PIR: variants seen among roughly 807,000 people sequenced by gnomAD.
PIR encodes pirin, also known as pirin (iron-binding nuclear protein).
Under a neutral mutation model 24.2 loss-of-function variants are expected in PIR, and 22 were observed. That is an observed-to-expected ratio of 0.91 (90% confidence interval 0.65 to 1.30). PIR has a LOEUF of 1.30. PIR is among the 50% of genes most tolerant of loss of function. The pLI, the probability that PIR is intolerant of heterozygous loss-of-function variation, is 0.00. For missense variants in PIR, 220 were observed against 220.3 expected, an observed-to-expected ratio of 1.00 and a Z score of 0.01; for synonymous variants, 80 against 79.6, an observed-to-expected ratio of 1.00 and a Z score of -0.03.
chrX:15,445,952 C>A (rs1926085601), intron 5 of PIR, among the ~76,000 whole-genome samples: 1 of 105,063 alleles, frequency 9.5e-6, no homozygotes, highest in Non-Finnish European at 1.9e-5. Flanking sequence ...GCCTCAGCCT[C>A]CCGAGTAGCT....
intron 5 of PIR, among the ~76,000 whole-genome samples, chrX:15,431,183 G>A (rs935552580): frequency 1.8e-5 from 2 of 111,563 alleles, no homozygotes; most frequent in African/African-American, 3.3e-5. Flanking sequence ...TATCCTATAA[G>A]AGAAAGAAAC....
intron 6 of PIR, among the ~76,000 whole-genome samples, chrX:15,415,074 G>A (rs1924870192): frequency 9.0e-6 from 1 of 111,438 alleles, no homozygotes; most frequent in Non-Finnish European, 1.9e-5. Context: ...ACTACTAATA[G>A]AGTACTGTTC....
intron 9 of PIR, among the ~76,000 whole-genome samples, chrX:15,388,092 T>G (rs1004878259): frequency 8.9e-6 from 1 of 112,330 alleles, no homozygotes; most frequent in African/African-American, 3.2e-5. Flanking sequence ...GTTTTTAAAT[T>G]GATCAACTAC....
At chrX:15,407,730 T>C (rs1924595675) in intron 6 of PIR, 180 bp from the exon 7 acceptor site, 1 of 430,739 alleles carries the variant, frequency 2.3e-6, no homozygotes, top group Admixed American at 3.9e-5. Context: ...ACTCATTCTC[T>C]TTCTCACACA....
chrX:15,461,385 G>A (rs1283338909), intron 3 of PIR, among the ~76,000 whole-genome samples: 3 of 112,554 alleles, frequency 2.7e-5, no homozygotes, highest in Non-Finnish European at 5.6e-5. Flanking sequence ...AACTTTTCCA[G>A]GGACATGTCC....
chrX:15,404,812 G>A (rs1451544586), intron 7 of PIR, among the ~76,000 whole-genome samples: 1 of 111,669 alleles, frequency 9.0e-6, no homozygotes, highest in African/African-American at 3.3e-5. Flanking sequence ...AAATTCAAAT[G>A]AGGTCATTTA....
intron 5 of PIR, among the ~76,000 whole-genome samples, chrX:15,444,106 G>A (rs752538121): frequency 1.2e-3 from 138 of 111,889 alleles, no homozygotes; most frequent in African/African-American, 4.3e-3. Context: ...AAATATAATC[G>A]AACAGCATTA....
chrX:15,428,079 T>C (rs1266960217), intron 5 of PIR, among the ~76,000 whole-genome samples: 2 of 111,604 alleles, frequency 1.8e-5, no homozygotes, highest in Non-Finnish European at 3.8e-5. Flanking sequence ...TGGTAGACTT[T>C]TGCATGGCTT....
At chrX:15,387,243 G>A (rs1299488323) in intron 9 of PIR, among the ~76,000 whole-genome samples, 6 of 107,151 alleles carry the variant, frequency 5.6e-5, no homozygotes, top group African/African-American at 1.7e-4. Flanking sequence ...TTACAGGCAC[G>A]TGCCACCATG....
chrX:15,407,771 A>G, intron 6 of PIR: 1 of 392,992 alleles, frequency 2.5e-6, no homozygotes, highest in Non-Finnish European at 4.5e-6. Context: ...AACCTAAATG[A>G]CTTGGTCCCA....
At chrX:15,478,659 C>A (rs761316041) in intron 3 of PIR, 1 of 111,957 alleles carries the variant, frequency 8.9e-6, no homozygotes, top group Non-Finnish European at 1.9e-5. Flanking sequence ...CCAGAAACTT[C>A]TTGGTTCATT....
At chrX:15,490,736 C>T (rs1275538359) in intron 2 of PIR, among the ~76,000 whole-genome samples, 2 of 111,941 alleles carry the variant, frequency 1.8e-5, no homozygotes, top group African/African-American at 3.3e-5. Flanking sequence ...GCAGTGGAGG[C>T]CTGATCTATG....
At chrX:15,436,955 T>A (rs1003824037) in intron 5 of PIR, among the ~76,000 whole-genome samples, 2 of 112,260 alleles carry the variant, frequency 1.8e-5, no homozygotes, top group African/African-American at 6.5e-5. Flanking sequence ...TGTACAGGCA[T>A]GTGCCTGAAG....
At chrX:15,465,792 A>G (rs1235821663) in intron 3 of PIR, among the ~76,000 whole-genome samples, 3 of 111,922 alleles carry the variant, frequency 2.7e-5, no homozygotes, top group Non-Finnish European at 5.6e-5. Context: ...GGAAAGGTGT[A>G]CCTCAAGGAG....
intron 6 of PIR, among the ~76,000 whole-genome samples, chrX:15,419,896 CA>C (rs1182655132): frequency 6.8e-4 from 61 of 89,695 alleles, no homozygotes; most frequent in Admixed American, 6.3e-4. Context: ...AACTCCGTGT[CA>C]AAAAAAAAAA....
chrX:15,461,743 A>G (rs1266263385), intron 3 of PIR, among the ~76,000 whole-genome samples: 1 of 112,361 alleles, frequency 8.9e-6, no homozygotes, highest in Non-Finnish European at 1.9e-5. Context: ...AGATCGCACC[A>G]TTGCACTCCA....
chrX:15,488,300 AGAAAAGAAAGAAAAAG>A (rs774507600), intron 2 of PIR, among the ~76,000 whole-genome samples: 2 of 78,453 alleles, frequency 2.5e-5, no homozygotes, highest in Non-Finnish European at 2.5e-5. Context: ...AAAAAAAAAA[AGAAAAGAAAGAAAAAG>A]AAAAAGAAAG....
intron 5 of PIR, among the ~76,000 whole-genome samples, chrX:15,432,588 T>C (rs1475609583): frequency 8.9e-6 from 1 of 112,003 alleles, no homozygotes; most frequent in Non-Finnish European, 1.9e-5. Flanking sequence ...ATGGCAGACA[T>C]AAAGTGGTTG....
In PIR at chrX:15,385,001, C is replaced by A; in HGVS notation, c.*3G>T. On this transcript the variant is annotated 3_prime_UTR_variant, in exon 10 of 10. Transcript: ENST00000380420. ...ACATCAAGACCTGCTCTTCCGCTTT[C>A]CACTAGTTCCCAATCTTTGATTTCC... The A allele has an allele frequency of 9.2e-7, 1 of 1,087,068 alleles. No homozygotes were observed. Among genetic ancestry groups the A allele is most frequent in the Non-Finnish European group, 1.3e-6 (1 of 782,850 alleles). 89.6% of individuals were successfully genotyped at this position (1,087,068 alleles called of 1,213,427 possible).
Sources: allele counts gnomAD v4.1 joint callset (sites outside exome capture counted in the v4.1 genomes callset), GRCh38; gene constraint gnomAD v4.1.1; transcripts MANE v1.5; gene names NCBI Gene and HGNC (gene_info 2026-07-23, HGNC 2026-07-21).